The following PCDHGB7 variants were observed in gnomAD, a reference collection of about 807,000 sequenced individuals.
PCDHGB7 encodes the protein protocadherin gamma subfamily B, 7, also known as protocadherin gamma-B7.
A neutral mutation model predicts 61.4 loss-of-function variants in PCDHGB7; 37 were observed. The observed-to-expected ratio is 0.60, with a 90% CI of 0.46 to 0.79. PCDHGB7 has a LOEUF of 0.79. PCDHGB7 is among the 30% of genes least tolerant of loss of function. The pLI is 0.00. For missense variants in PCDHGB7, 1,166 were observed against 1,202.5 expected (o/e 0.97, Z 0.45); for synonymous variants, 464 against 503.5 (o/e 0.92, Z 1.05).
chr5:141,510,553 A>C (rs1471878583), intron 3 of PCDHGB7, among the ~76,000 whole-genome samples: 1 of 152,162 alleles, frequency 6.6e-6, no homozygotes, highest in African/African-American at 2.4e-5. Context: ...TGTTTTGAGC[A>C]CTTACATCTA....
intron 1 of PCDHGB7, among the ~76,000 whole-genome samples, chr5:141,437,076 A>G (rs1018228245): frequency 6.6e-6 from 1 of 152,236 alleles, no homozygotes; most frequent in African/African-American, 2.4e-5. Flanking sequence ...TTTGGGCCAT[A>G]TAAGAATTGA....
chr5:141,485,920 T>G lies in PCDHGB7; in HGVS notation c.2416-8887T>G. 4 of 1,614,038 alleles carry G rather than the reference T, an allele frequency of 2.5e-6. No individual in the cohort carries two copies. Among genetic ancestry groups the G allele is most frequent in the Non-Finnish European group, 3.4e-6 (4 of 1,180,010 alleles). ...CCTTCCAGCAATCCAGCTACAGGAT[T>G]AGTGTGTTGGAGAGCGCACCAGCGG... On this transcript the variant is annotated intron_variant, in intron 1 of 3. Transcript: ENST00000398594. The surrounding 1 kb of genome is among the most constrained non-coding windows in gnomAD (Gnocchi z 5.7).
In PCDHGB7 at chr5:141,432,986, G is replaced by A. The variant is rs2097557714; in HGVS notation, c.2415+12712G>A. ...AGCGCCGGCGTCGCACTTTGTGGGC[G>A]TGGACGGGGTGCAGGCTTTCCTGCA... On this transcript the variant is annotated intron_variant, in intron 1 of 3. Transcript: ENST00000398594. This position sits in a 1 kb window ranked among gnomAD's most constrained non-coding sequence, Gnocchi z 6.0. 6 of 1,614,258 alleles carry A rather than the reference G, an allele frequency of 3.7e-6. No individual in the cohort carries two copies. In the Middle Eastern group the frequency reaches 4.9e-4, roughly 133 times the overall value.
intron 2 of PCDHGB7, among the ~76,000 whole-genome samples, chr5:141,497,158 T>A (rs2099774560): frequency 6.6e-6 from 1 of 151,860 alleles, no homozygotes; most frequent in African/African-American, 2.4e-5. Flanking sequence ...AAAAATAATC[T>A]AGCCACAAAT....
At chr5:141,443,093 C>T (rs1316602934) in intron 1 of PCDHGB7, among the ~76,000 whole-genome samples, 2 of 151,940 alleles carry the variant, frequency 1.3e-5, no homozygotes, top group African/African-American at 4.8e-5. Flanking sequence ...CAGTCTCCTT[C>T]TCAAGCTGAA....
At chr5:141,483,648 T>TTGTGTG (rs111458813) in intron 1 of PCDHGB7, among the ~76,000 whole-genome samples, 20,229 of 149,628 alleles carry the variant, frequency 0.14, 2,147 homozygotes, top group African/African-American at 0.31. Context: ...GGGTGTGTGT[T>TTGTGTG]TGTGTGTGTG....
intron 1 of PCDHGB7, chr5:141,423,181 C>T: frequency 1.2e-6 from 2 of 1,613,578 alleles, no homozygotes; most frequent in East Asian, 2.2e-5. Flanking sequence ...GGACCACGGC[C>T]AGCCCCCTCT....
chr5:141,496,984 G>C (rs938752499), intron 2 of PCDHGB7, among the ~76,000 whole-genome samples: 1 of 151,896 alleles, frequency 6.6e-6, no homozygotes, highest in Admixed American at 6.6e-5. Context: ...TCAGGGGTTT[G>C]AGACCAGCCT....
At chr5:141,501,869 C>G (rs1595765055) in intron 2 of PCDHGB7, among the ~76,000 whole-genome samples, 1 of 152,130 alleles carries the variant, frequency 6.6e-6, no homozygotes, top group Non-Finnish European at 1.5e-5. Context: ...CCCAGGACGC[C>G]TCCTTACACT....
chr5:141,469,372 C>T (rs780872014), intron 1 of PCDHGB7, among the ~76,000 whole-genome samples: 2 of 151,990 alleles, frequency 1.3e-5, no homozygotes, highest in African/African-American at 2.4e-5. Context: ...GTAAAGAGAT[C>T]GAGACCATCC....
chr5:141,456,321 G>A (rs2098849819), intron 1 of PCDHGB7, among the ~76,000 whole-genome samples: 1 of 152,154 alleles, frequency 6.6e-6, no homozygotes, highest in African/African-American at 2.4e-5. Context: ...GGCTCCTCCT[G>A]GGGTTGATCT....
chr5:141,418,630 A>G lies in PCDHGB7; in HGVS notation c.771A>G (p.Pro257=). 6.2e-7 allele frequency: 1 copy of G among 1,614,046 alleles called. No individual in the cohort carries two copies. Among genetic ancestry groups the G allele is most frequent in the Non-Finnish European group, 8.5e-7 (1 of 1,179,904 alleles). The change falls in exon 1 of 4, where the codon CCA becomes CCG. Residue 257 remains proline, a synonymous_variant. Transcript: ENST00000398594. ...YRVSLREDVP[P]GTSILRVKAT... ...TTAGCCTTCGGGAAGACGTGCCTCC[A>G]GGCACCTCCATCCTGAGAGTGAAGG...
intron 1 of PCDHGB7, chr5:141,422,347 G>A (rs1456770985): frequency 3.9e-6 from 6 of 1,553,980 alleles, no homozygotes; most frequent in Non-Finnish European, 5.2e-6. Context: ...AAATGTGCAA[G>A]ATCAAGATTC....
Position 141,432,856 on chromosome 5 carries a change from G to A in PCDHGB7, c.2415+12582G>A, listed in dbSNP as rs773243805. 8.7e-6 allele frequency: 14 copies of A among 1,614,024 alleles called. No homozygotes were observed. The highest frequency in any genetic ancestry group is 1.3e-5 in the African/African-American group (1 of 74,908). ...TGTACCTGGTGGTAGCGGTGGCCGC[G>A]GTCTCCTGCGTCTTCCTGGCCTTCG... On this transcript the variant is annotated intron_variant, in intron 1 of 3. Coordinates refer to ENST00000398594, the MANE Select transcript of PCDHGB7 (RefSeq NM_018927.4). The surrounding 1 kb of genome is among the most constrained non-coding windows in gnomAD (Gnocchi z 6.0).
chr5:141,422,228 T>C (rs1561800204), intron 1 of PCDHGB7: 1 of 1,565,566 alleles, frequency 6.4e-7, no homozygotes, highest in Non-Finnish European at 8.6e-7. Flanking sequence ...ACCACGACGA[T>C]GTTGATCACT....
rs188373658 is a variant in PCDHGB7 at position 141,492,228 on chromosome 5, C to T, written c.2416-2579C>T. ...TGCGCGCGGGGCTCATGCGTGTCCT[C>T]CCTGCTGGCCACCCCCACGGCCCAC... On this transcript the variant is annotated intron_variant, in intron 1 of 3. Coordinates refer to ENST00000398594, the MANE Select transcript of PCDHGB7 (RefSeq NM_018927.4). Among the ~76,000 whole-genome samples the T allele has an allele frequency of 5.3e-5, 8 of 152,292 alleles. No individual in the cohort carries two copies. In the East Asian group the frequency reaches 1.2e-3, roughly 22 times the overall value.
intron 1 of PCDHGB7, among the ~76,000 whole-genome samples, chr5:141,435,619 T>A (rs2097772280): frequency 6.6e-6 from 1 of 152,190 alleles, no homozygotes; most frequent in Non-Finnish European, 1.5e-5. Context: ...AAATTCCCCA[T>A]AACTTTTACA....
intron 1 of PCDHGB7, chr5:141,423,296 T>G (rs771340929): frequency 6.2e-7 from 1 of 1,614,124 alleles, no homozygotes; most frequent in Non-Finnish European, 8.5e-7. Context: ...ACCTCAGACC[T>G]CTCGCTGTAC....
chr5:141,428,176 A>G (rs751446929), intron 1 of PCDHGB7: 21 of 1,507,402 alleles, frequency 1.4e-5, no homozygotes, highest in Non-Finnish European at 1.9e-5. Context: ...TGCGTGACGG[A>G]GGACAGCCGC....
Sources: allele counts gnomAD v4.1 joint callset (sites outside exome capture counted in the v4.1 genomes callset), GRCh38; gene constraint gnomAD v4.1.1; non-coding constraint Gnocchi (gnomAD v3.1); transcripts MANE v1.5; gene names NCBI Gene and HGNC (gene_info 2026-07-23, HGNC 2026-07-21).